Variants in CACNA2D3 observed in about 807,000 individuals in gnomAD.
The protein encoded by CACNA2D3 is calcium voltage-gated channel auxiliary subunit alpha2delta 3.
In CACNA2D3, 60 loss-of-function variants were observed where a neutral mutation model predicts 160.6. That is an observed-to-expected ratio of 0.37 (90% CI 0.30 to 0.46). The LOEUF is 0.46. CACNA2D3 is among the 20% of genes least tolerant of loss of function. The pLI is 1.00. For synonymous variants in CACNA2D3, 558 were observed against 492.9 expected (o/e 1.13, Z -1.75); for missense variants, 1,205 against 1,365.0 (o/e 0.88, Z 1.85).
chr3:54,723,903 A>G (rs972394387), intron 11 of CACNA2D3, among the ~76,000 whole-genome samples: 1 of 152,218 alleles, frequency 6.6e-6, no homozygotes, highest in African/African-American at 2.4e-5. Flanking sequence ...TGACAGGATC[A>G]AATTCACACA....
At chr3:54,579,747 A>G (rs1702643668) in intron 8 of CACNA2D3, among the ~76,000 whole-genome samples, 1 of 152,172 alleles carries the variant, frequency 6.6e-6, no homozygotes, top group Admixed American at 6.5e-5. Context: ...AGAGCTTTGG[A>G]GGAGTTTTCC....
chr3:54,890,123 C>T (rs1348203442), intron 24 of CACNA2D3, among the ~76,000 whole-genome samples: 1 of 152,164 alleles, frequency 6.6e-6, no homozygotes, highest in Non-Finnish European at 1.5e-5. Flanking sequence ...TACTTTGGAT[C>T]AAATTACTAG....
chr3:54,705,399 G>T (rs998220300), intron 11 of CACNA2D3, among the ~76,000 whole-genome samples: 19 of 152,156 alleles, frequency 1.2e-4, no homozygotes, highest in Admixed American at 1.3e-4. Flanking sequence ...TTGTTGAGAA[G>T]AAAAACTTGG....
chr3:54,666,171 A>T (rs895355170), intron 11 of CACNA2D3, among the ~76,000 whole-genome samples: 4 of 152,230 alleles, frequency 2.6e-5, no homozygotes, highest in African/African-American at 9.6e-5. Context: ...CCTTATTTAT[A>T]AAAGGGAAAC....
intron 5 of CACNA2D3, among the ~76,000 whole-genome samples, chr3:54,554,662 G>A (rs1702212566): frequency 6.6e-6 from 1 of 151,990 alleles, no homozygotes. Context: ...AGGCACTGGG[G>A]CTGAGGAACA....
At chr3:54,275,977 C>G (rs983664603) in intron 2 of CACNA2D3, among the ~76,000 whole-genome samples, 2 of 152,102 alleles carry the variant, frequency 1.3e-5, no homozygotes, top group African/African-American at 4.8e-5. Context: ...TCTTTTAATA[C>G]TAATTTTATT....
chr3:54,865,703 A>G (rs781767787), intron 17 of CACNA2D3, among the ~76,000 whole-genome samples: 6 of 152,200 alleles, frequency 3.9e-5, no homozygotes, highest in Non-Finnish European at 5.9e-5. Context: ...CTGTGAAGGA[A>G]CTTCCTCCCT....
intron 2 of CACNA2D3, among the ~76,000 whole-genome samples, chr3:54,276,026 C>G (rs1318308180): frequency 6.6e-6 from 1 of 152,104 alleles, no homozygotes; most frequent in African/African-American, 2.4e-5. Context: ...GAAATAACTA[C>G]AATTCAGTGC....
At chr3:54,172,386 C>G (rs1366003775) in intron 2 of CACNA2D3, among the ~76,000 whole-genome samples, 2 of 152,212 alleles carry the variant, frequency 1.3e-5, no homozygotes, top group East Asian at 3.9e-4. Context: ...GGTTTCCCCC[C>G]TCTCTGGAAA....
intron 27 of CACNA2D3, among the ~76,000 whole-genome samples, chr3:54,913,975 T>G (rs1125025): frequency 5.3e-5 from 8 of 151,938 alleles, no homozygotes; most frequent in African/African-American, 1.9e-4. Flanking sequence ...CTGATAATGG[T>G]GTTGTAATTG....
At position 54,257,521 on chromosome 3, in the gene CACNA2D3, A is replaced by G. The variant is rs147277562; in HGVS notation, c.205-62921A>G. On this transcript the variant is annotated intron_variant, in intron 2 of 37. Coordinates refer to ENST00000474759, the MANE Select transcript of CACNA2D3 (RefSeq NM_018398.3). The stretch of plus-strand genomic sequence containing the variant: ...TTCCCTACGCTTTTAGGTGTCAGCA[A>G]TGTTGCACAGCTGCTGTTCCTGCCG... 7.5e-4 allele frequency among the ~76,000 whole-genome samples: 114 copies of G among 152,160 alleles called. No individual in the cohort carries two copies. In the Middle Eastern group the frequency reaches 0.01, roughly 14 times the overall value.
chr3:54,737,192 G>A (rs993593958), intron 11 of CACNA2D3, among the ~76,000 whole-genome samples: 36 of 150,108 alleles, frequency 2.4e-4, no homozygotes, highest in Admixed American at 3.4e-4. Context: ...ATGTGTGTGT[G>A]TGTGTGTGTG....
At chr3:54,869,735 C>T (rs972669711) in intron 17 of CACNA2D3, among the ~76,000 whole-genome samples, 1 of 152,202 alleles carries the variant, frequency 6.6e-6, no homozygotes. Context: ...CTCCTCCACA[C>T]TGAGGGGCAA....
At chr3:54,792,437 T>G (rs556889344) in intron 13 of CACNA2D3, among the ~76,000 whole-genome samples, 2 of 152,178 alleles carry the variant, frequency 1.3e-5, no homozygotes, top group African/African-American at 2.4e-5. Flanking sequence ...GCCAGACTTG[T>G]GTGATTAAGG....
chr3:54,710,015 C>G (rs963944010), intron 11 of CACNA2D3, among the ~76,000 whole-genome samples: 4 of 152,172 alleles, frequency 2.6e-5, no homozygotes, highest in Admixed American at 1.3e-4. Context: ...TTCACACACG[C>G]ACACAGGGAG....
At chr3:54,263,053 C>T (rs912324133) in intron 2 of CACNA2D3, among the ~76,000 whole-genome samples, 5 of 152,184 alleles carry the variant, frequency 3.3e-5, no homozygotes, top group Admixed American at 3.3e-4. Context: ...TATACTTCCA[C>T]ATGTGTGTGG....
At chr3:55,045,830 T>C (rs74331584) in intron 35 of CACNA2D3, among the ~76,000 whole-genome samples, 2,866 of 152,216 alleles carry the variant, frequency 0.019, 86 homozygotes, top group African/African-American at 0.063. Context: ...TTAGTTTTAT[T>C]GATCATTTAA....
chr3:54,445,555 TACACACACACACACAC>T (rs3028897), intron 4 of CACNA2D3, among the ~76,000 whole-genome samples: 1 of 147,112 alleles, frequency 6.8e-6, no homozygotes, highest in Non-Finnish European at 1.5e-5. Context: ...TTTCTATGTA[TACACACACACACACAC>T]ACACACACAC....
At chr3:54,671,545 A>C (rs1039602328) in intron 11 of CACNA2D3, among the ~76,000 whole-genome samples, 2 of 152,198 alleles carry the variant, frequency 1.3e-5, no homozygotes, top group African/African-American at 4.8e-5. Flanking sequence ...GAGCTCCTCT[A>C]TCAGCCCTCA....
Sources: gnomAD v4.1 joint callset for allele counts (sites outside exome capture counted in the v4.1 genomes callset) on GRCh38, gnomAD v4.1.1 for gene constraint, MANE v1.5 for transcripts, NCBI Gene and HGNC (gene_info 2026-07-23, HGNC 2026-07-21) for gene names.